Variants in NELL2 observed in about 807,000 individuals in gnomAD.
The protein encoded by NELL2 is protein kinase C-binding protein NELL2.
In NELL2, 41 loss-of-function variants were observed where a neutral mutation model predicts 109.6. The ratio of observed to expected loss-of-function variants is 0.37; its 90% CI spans 0.29 to 0.49. The LOEUF (loss-of-function observed/expected upper bound fraction) is 0.49, where lower values mean the gene tolerates loss of function less well. Among genes scored for constraint, NELL2 ranks in the 20% least tolerant of loss-of-function variants. The pLI, the probability that NELL2 is intolerant of heterozygous loss-of-function variation, is 0.98. For missense variants in NELL2, 900 were observed against 1,008.3 expected (o/e 0.89, Z 1.45); for synonymous variants, 355 against 344.7 (o/e 1.03, Z -0.33).
Position 44,859,631 on chromosome 12 carries a change from T to C in NELL2, c.184+15594A>G, listed in dbSNP as rs955669911. Among the ~76,000 whole-genome samples, 6 of 152,184 alleles carry C rather than the reference T, an allele frequency of 3.9e-5. No homozygotes were observed. The East Asian group carries it at 5.8e-4, about 15-fold the overall frequency. Reference sequence around the variant, plus strand: ...TTATCAGTTAGTACCTTGGTAGGTATTGAATTATAGACAGATAATCTAGAA... The same window carrying C: ...TTATCAGTTAGTACCTTGGTAGGTACTGAATTATAGACAGATAATCTAGAA... On this transcript the variant is annotated intron_variant, in intron 2 of 19. Coordinates refer to ENST00000429094, the MANE Select transcript of NELL2 (RefSeq NM_001145108.2).
At chr12:44,640,219 T>G (rs1172245609) in intron 13 of NELL2, among the ~76,000 whole-genome samples, 1 of 152,136 alleles carries the variant, frequency 6.6e-6, no homozygotes, top group African/African-American at 2.4e-5. Context: ...CAATTTAAAT[T>G]TATTGCACAC....
chr12:44,853,018 A>G (rs1375184590), intron 2 of NELL2, among the ~76,000 whole-genome samples: 1 of 152,068 alleles, frequency 6.6e-6, no homozygotes, highest in Non-Finnish European at 1.5e-5. Context: ...ATAAATATAC[A>G]TTTACTCTGC....
At chr12:44,869,311 C>T (rs1051300298) in intron 2 of NELL2, among the ~76,000 whole-genome samples, 3 of 152,192 alleles carry the variant, frequency 2.0e-5, no homozygotes, top group African/African-American at 7.2e-5. Context: ...TAGAAATAAG[C>T]TTCTGTAATT....
chr12:44,847,148 G>A (rs1425761730), intron 2 of NELL2, among the ~76,000 whole-genome samples: 2 of 152,164 alleles, frequency 1.3e-5, no homozygotes, highest in Admixed American at 6.5e-5. Context: ...CCACAGTAAT[G>A]GGCAAGGGAC....
At chr12:44,531,315 A>G (rs1328335941) in intron 16 of NELL2, among the ~76,000 whole-genome samples, 2 of 152,234 alleles carry the variant, frequency 1.3e-5, no homozygotes, top group African/African-American at 4.8e-5. Flanking sequence ...ATTAAATTCT[A>G]TAAAATACAA....
At chr12:44,642,048 A>G (rs1012457887) in intron 13 of NELL2, among the ~76,000 whole-genome samples, 3 of 152,114 alleles carry the variant, frequency 2.0e-5, no homozygotes, top group African/African-American at 7.2e-5. Context: ...AATGGGGACA[A>G]TATTTCCTTC....
At chr12:44,757,209 CT>C (rs2136540398) in intron 9 of NELL2, among the ~76,000 whole-genome samples, 1 of 152,270 alleles carries the variant, frequency 6.6e-6, no homozygotes, top group Non-Finnish European at 1.5e-5. Context: ...CCATTTGCTT[CT>C]TTCCAATTCC....
At chr12:44,727,890 GA>G (rs1266114550) in intron 9 of NELL2, among the ~76,000 whole-genome samples, 9 of 152,092 alleles carry the variant, frequency 5.9e-5, no homozygotes, top group African/African-American at 1.9e-4. Flanking sequence ...AATGCCTCTG[GA>G]ATTAACTAAG....
intron 15 of NELL2, among the ~76,000 whole-genome samples, chr12:44,547,739 T>C (rs1478748687): frequency 6.6e-6 from 1 of 152,168 alleles, no homozygotes; most frequent in Non-Finnish European, 1.5e-5. Flanking sequence ...TCATCTCCCA[T>C]TGTACCCCTT....
chr12:44,774,414 C>T (rs7138022), intron 9 of NELL2, among the ~76,000 whole-genome samples: 29,864 of 152,064 alleles, frequency 0.2, 3,160 homozygotes, highest in South Asian at 0.27. Context: ...TTATTGCAGC[C>T]GTGTGAACCA....
intron 3 of NELL2, among the ~76,000 whole-genome samples, chr12:44,810,768 G>T (rs925845827): frequency 6.6e-6 from 1 of 152,042 alleles, no homozygotes; most frequent in East Asian, 1.9e-4. Flanking sequence ...GCTGCCGTCA[G>T]GGATAGAAAC....
rs774238878 is a variant in NELL2 at position 44,816,129 on chromosome 12, G to T, written c.192C>A (p.Pro64=). ...TAGCAGTGGATGCTTTTATGCTTCT[G>T]GGAGTATCTAAAAAAGAAACAAACA... ...GTKAFLFQDT[P]RSIKASTATA... Residue 64 remains proline, a synonymous_variant, in exon 3 of 20, where the codon CCC becomes CCA. Coordinates refer to ENST00000429094, the MANE Select transcript of NELL2 (RefSeq NM_001145108.2). The T allele has an allele frequency of 1.3e-6, 2 of 1,590,066 alleles. No homozygotes were observed. The highest frequency in any genetic ancestry group is 1.9e-5 in the Admixed American group (1 of 53,688).
At chr12:44,678,896 A>T (rs1332482348) in intron 12 of NELL2, among the ~76,000 whole-genome samples, 1 of 152,092 alleles carries the variant, frequency 6.6e-6, no homozygotes, top group African/African-American at 2.4e-5. Flanking sequence ...TGGGTTAAGG[A>T]GAAAGTCTGA....
chr12:44,740,999 A>T (rs2136496822), intron 9 of NELL2, among the ~76,000 whole-genome samples: 1 of 152,298 alleles, frequency 6.6e-6, no homozygotes, highest in East Asian at 1.9e-4. Flanking sequence ...GCACTGTTTC[A>T]AAGTACAGTT....
chr12:44,668,760 A>C (rs530761618), intron 12 of NELL2, among the ~76,000 whole-genome samples: 1 of 152,184 alleles, frequency 6.6e-6, no homozygotes, highest in South Asian at 2.1e-4. Context: ...CAGCATGCCC[A>C]ACCCACTGCC....
intron 11 of NELL2, among the ~76,000 whole-genome samples, chr12:44,706,648 TA>T (rs1252329536): frequency 2.0e-5 from 3 of 152,212 alleles, no homozygotes; most frequent in Non-Finnish European, 4.4e-5. Flanking sequence ...ATTATCTATG[TA>T]AAAGCATAAT....
chr12:44,622,417 A>T (rs750078086), intron 13 of NELL2, among the ~76,000 whole-genome samples: 3 of 152,150 alleles, frequency 2.0e-5, no homozygotes, highest in Non-Finnish European at 4.4e-5. Context: ...TCTCTGCTGG[A>T]GAGAAATATC....
At chr12:44,669,685 C>G (rs1026824494) in intron 12 of NELL2, among the ~76,000 whole-genome samples, 3 of 151,888 alleles carry the variant, frequency 2.0e-5, no homozygotes, top group Non-Finnish European at 4.4e-5. Context: ...TTTGAAATAA[C>G]TCAGTCAGAC....
chr12:44,521,524 C>T (rs1450109341), intron 18 of NELL2, among the ~76,000 whole-genome samples: 2 of 122,836 alleles, frequency 1.6e-5, no homozygotes, highest in South Asian at 2.5e-4. Context: ...AGCGAGACTC[C>T]GTCTCAAAAA....
Sources: gnomAD v4.1 joint callset for allele counts (sites outside exome capture counted in the v4.1 genomes callset) on GRCh38, gnomAD v4.1.1 for gene constraint, MANE v1.5 for transcripts, NCBI Gene and HGNC (gene_info 2026-07-23, HGNC 2026-07-21) for gene names.